Variants in TMC6 observed in about 807,000 individuals in gnomAD.
TMC6 encodes the protein transmembrane channel like 6.
A neutral mutation model predicts 95.4 loss-of-function variants in TMC6; 71 were observed. The observed-to-expected ratio is 0.74, with a 90% CI of 0.61 to 0.91. TMC6 has a LOEUF of 0.91. Ranked by LOEUF, TMC6 falls within the 40% of genes least tolerant of loss-of-function variation. TMC6 has a pLI of 0.00. For missense variants in TMC6, 1,074 were observed against 1,079.1 expected (o/e 1.00, Z 0.07); for synonymous variants, 514 against 483.1 (o/e 1.06, Z -0.84).
Position 78,122,481 on chromosome 17 carries a change from G to C in TMC6, c.1227+124C>G, listed in dbSNP as rs1048872551. On this transcript the variant is annotated intron_variant, in intron 10 of 19. Coordinates refer to ENST00000590602, the MANE Select transcript of TMC6 (RefSeq NM_001127198.5). This position sits in a 1 kb window ranked among gnomAD's most constrained non-coding sequence, Gnocchi z 4.9. ...AGACCACGCCTGCCCAGCGCCCCGA[G>C]TTCAGCTCACGGACAGCTGGCCCTC... The C allele has an allele frequency of 2.1e-6, 3 of 1,451,434 alleles. No homozygotes were observed. Among genetic ancestry groups the C allele is most frequent in the Non-Finnish European group, 2.8e-6 (3 of 1,080,018 alleles). 89.9% of individuals were successfully genotyped at this position (1,451,434 alleles called of 1,614,324 possible).
Position 78,117,622 on chromosome 17 carries a change from C to A in TMC6, c.2044G>T (p.Gly682Cys), listed in dbSNP as rs1234426664. ...ATGGTGTCCAGGGTCCGGAAGGGGC[C>A]GCAGGTGCTCGAGGGCTTCACCCTG... ...VWQVKPSSTCGPFRTLDTMYE... is the reference protein window; with the variant it reads ...VWQVKPSSTCCPFRTLDTMYE... Residue 682 changes from glycine to cysteine, a missense_variant, in exon 17 of 20, where the codon GGC becomes TGC. Coordinates refer to ENST00000590602, the MANE Select transcript of TMC6 (RefSeq NM_001127198.5). 4 of 1,574,704 alleles carry A rather than the reference C, an allele frequency of 2.5e-6. No homozygotes were observed. The highest frequency in any genetic ancestry group is 2.3e-5 in the South Asian group (2 of 86,730).
intron 18 of TMC6, among the ~76,000 whole-genome samples, chr17:78,116,487 G>C (rs2074123724): frequency 6.6e-6 from 1 of 151,972 alleles, no homozygotes; most frequent in African/African-American, 2.4e-5. Context: ...TGCCCAGGCT[G>C]GTCTCGAACT....
At chr17:78,119,247 G>A in intron 14 of TMC6, 50 bp downstream of exon 14, 3 of 1,605,354 alleles carry the variant, frequency 1.9e-6, no homozygotes, top group Non-Finnish European at 2.6e-6. Flanking sequence ...GGGGGGAAAG[G>A]GGCACTGACC....
In TMC6 at chr17:78,122,496, A is replaced by T; in HGVS notation, c.1227+109T>A. 14 of 1,510,468 alleles carry T rather than the reference A, an allele frequency of 9.3e-6. No individual in the cohort carries two copies. In the South Asian group the frequency reaches 1.7e-4, roughly 18 times the overall value. The allele number at this position is 1,510,468 out of a possible 1,614,324, so 93.6% of individuals were successfully genotyped here. On this transcript the variant is annotated intron_variant, in intron 10 of 19. Transcript: ENST00000590602. The surrounding 1 kb of genome is among the most constrained non-coding windows in gnomAD (Gnocchi z 4.9). The stretch of plus-strand genomic sequence containing the variant: ...AGCGCCCCGAGTTCAGCTCACGGAC[A>T]GCTGGCCCTCCCTCTAGACCATGGT...
rs761893025 is a variant in TMC6 at position 78,113,218 on chromosome 17, G to A, written c.2355-7C>T. On this transcript the variant is annotated splice_region_variant and splice_polypyrimidine_tract_variant and intron_variant, in intron 19 of 19. Coordinates refer to ENST00000590602, the MANE Select transcript of TMC6 (RefSeq NM_001127198.5). ...CTCCTCGGTTGTCCCAACCCTGCCAGAAAGAGACATCACTGAGGGGACCCC... is the reference window on the plus strand; with the variant it reads ...CTCCTCGGTTGTCCCAACCCTGCCAAAAAGAGACATCACTGAGGGGACCCC... 1.7e-5 allele frequency: 26 copies of A among 1,552,680 alleles called. No homozygotes were observed. In the Admixed American group the frequency reaches 2.4e-4, roughly 14 times the overall value.
chr17:78,131,235 G>C (rs1176372740), upstream of TMC6: 3 of 412,804 alleles, frequency 7.3e-6, no homozygotes, highest in South Asian at 6.6e-5. Flanking sequence ...TGCCTGTGCC[G>C]GTCCAGACTT....
rs374222927 is a variant in TMC6, at chr17:78,126,285, C to A, written c.263G>T (p.Arg88Leu). 2 of 1,559,182 alleles carry A rather than the reference C, an allele frequency of 1.3e-6. No individual in the cohort carries two copies. The highest frequency in any genetic ancestry group is 1.7e-6 in the Non-Finnish European group (2 of 1,155,264). Residue 88 changes from arginine (R) to leucine (L), a missense_variant, in exon 4 of 20, where the codon CGC becomes CTC. Transcript: ENST00000590602. ...TLRILASMPS[R>L]TIGRSRGAII... ...CTGAGGGTCCCACTCACCAATGGTGCGGCTGGGCATGCTGGCCAGGATGCG... is the reference window on the plus strand; with the variant it reads ...CTGAGGGTCCCACTCACCAATGGTGAGGCTGGGCATGCTGGCCAGGATGCG...
chr17:78,121,389 C>T lies in TMC6; in HGVS notation c.1383+167G>A, dbSNP rs991855832. ...TAAAACCGTGAGACAGGACAAGGGG[C>T]TGAGAAGTGGGGCTCGGAGGGGGCC... On this transcript the variant is annotated intron_variant, in intron 11 of 19. Transcript: ENST00000590602. The surrounding 1 kb of genome is among the most constrained non-coding windows in gnomAD (Gnocchi z 5.6). Among the ~76,000 whole-genome samples, 5 of 152,176 alleles carry T rather than the reference C, an allele frequency of 3.3e-5. No homozygotes were observed. The highest frequency in any genetic ancestry group is 5.9e-5 in the Non-Finnish European group (4 of 68,026).
chr17:78,110,671 C>T lies in TMC6; in HGVS notation c.*2477G>A, dbSNP rs889778915. 1 of 152,270 alleles carries T rather than the reference C, an allele frequency of 6.6e-6. No homozygotes were observed. The allele number at this position is 152,270 out of a possible 1,614,324, so 9.4% of individuals were successfully genotyped here. On this transcript the variant is annotated 3_prime_UTR_variant, in exon 20 of 20. Transcript: ENST00000590602. ...CCTGAAAATAGCATCAAGTTCCCAT[C>T]CACTCGAACAACAGTTTGTAGATCT...
At position 78,121,819 on chromosome 17, in the gene TMC6, G is replaced by T; in HGVS notation, c.1228-108C>A. On this transcript the variant is annotated intron_variant, in intron 10 of 19. Transcript: ENST00000590602. This position sits in a 1 kb window ranked among gnomAD's most constrained non-coding sequence, Gnocchi z 5.6. The stretch of plus-strand genomic sequence containing the variant: ...ACACATGAGACACACCAGGAGGCTT[G>T]AACCAGGACAGAGGGCCAGTTCCCC... 1.4e-6 allele frequency: 2 copies of T among 1,404,680 alleles called. No homozygotes were observed. The highest frequency in any genetic ancestry group is 1.4e-5 in the African/African-American group (1 of 69,448). The allele number at this position is 1,404,680 out of a possible 1,614,324, so 87.0% of individuals were successfully genotyped here.
chr17:78,131,328 G>C, upstream of TMC6: 2 of 579,362 alleles, frequency 3.5e-6, no homozygotes, highest in Non-Finnish European at 6.2e-6. Context: ...GAGTTGGAGC[G>C]GGGCTGGGCC....
rs1174150210 is a variant in TMC6, at chr17:78,120,732, C to T, written c.1636G>A (p.Gly546Ser). ...ACCAGGAACCGGTACAGCTCCTGGC[C>T]CACAAAATCCTCCCAGCACTGGCCC... ...LQGQCWEDFV[G>S]QELYRFLVMD... is the part of the protein sequence containing the mutation. Residue 546 changes from glycine to serine, a missense_variant, in exon 13 of 20, where the codon GGC becomes AGC. Coordinates refer to ENST00000590602, the MANE Select transcript of TMC6 (RefSeq NM_001127198.5). 6.2e-6 allele frequency: 10 copies of T among 1,613,934 alleles called. No individual in the cohort carries two copies. The highest frequency in any genetic ancestry group is 8.5e-6 in the Non-Finnish European group (10 of 1,180,004).
upstream of TMC6, chr17:78,130,599 C>G (rs1271779053): frequency 6.6e-6 from 1 of 152,316 alleles, no homozygotes; most frequent in Non-Finnish European, 1.5e-5. Flanking sequence ...GCACAGAGCT[C>G]CCTGGGAGGC....
rs768899829 is a variant in TMC6 at position 78,122,696 on chromosome 17, T to C, written c.1136A>G (p.His379Arg). 1.2e-5 allele frequency: 20 copies of C among 1,611,756 alleles called. No individual in the cohort carries two copies. The highest frequency in any genetic ancestry group is 1.4e-5 in the Non-Finnish European group (17 of 1,179,396). ...SYRVGSTSGI[H>R]AITVFCSWDY... ...CCAGGAGCAGAAGACGGTGATGGCG[T>C]GGATGCCAGAGGTGCTGCCCACCCG... Residue 379 changes from histidine (H) to arginine (R), a missense_variant, in exon 10 of 20, where the codon CAC becomes CGC. Transcript: ENST00000590602. This position sits in a 1 kb window ranked among gnomAD's most constrained non-coding sequence, Gnocchi z 4.9.
At chr17:78,124,408 G>C in intron 8 of TMC6, 116 bp downstream of exon 8, 5 of 1,513,958 alleles carry the variant, frequency 3.3e-6, no homozygotes, top group Non-Finnish European at 3.6e-6. Flanking sequence ...TGGCCACCTG[G>C]AGTCACAGCG....
At chr17:78,116,089 C>T (rs991555048) in intron 18 of TMC6, among the ~76,000 whole-genome samples, 1 of 151,740 alleles carries the variant, frequency 6.6e-6, no homozygotes, top group Admixed American at 6.6e-5. Flanking sequence ...GGCTGATTCT[C>T]CTGCCTCCGC....
In TMC6 at chr17:78,112,961, G is replaced by A. The variant is rs1488783853; in HGVS notation, c.*187C>T. On this transcript the variant is annotated 3_prime_UTR_variant, in exon 20 of 20. Transcript: ENST00000590602. Reference sequence around the variant, plus strand: ...TTAATCAGAATAAATAGAGTCCCAGGCAGGGCAGAGTTCATTGGGGATGCC... The same window carrying A: ...TTAATCAGAATAAATAGAGTCCCAGACAGGGCAGAGTTCATTGGGGATGCC... 1.5e-6 allele frequency: 1 copy of A among 647,982 alleles called. No individual in the cohort carries two copies. Among genetic ancestry groups the A allele is most frequent in the Non-Finnish European group, 2.7e-6 (1 of 367,460 alleles). 40.1% of individuals were successfully genotyped at this position (647,982 alleles called of 1,614,324 possible).
At position 78,122,487 on chromosome 17, in the gene TMC6, C is replaced by A; in HGVS notation, c.1227+118G>T. 2 of 1,480,104 alleles carry A rather than the reference C, an allele frequency of 1.4e-6. No individual in the cohort carries two copies. The highest frequency in any genetic ancestry group is 9.1e-7 in the Non-Finnish European group (1 of 1,101,866). The allele number at this position is 1,480,104 out of a possible 1,614,324, so 91.7% of individuals were successfully genotyped here. A position where few individuals can be genotyped will look rare whatever the true frequency, so the allele number is the denominator to read the frequency against. ...CGCCTGCCCAGCGCCCCGAGTTCAG[C>A]TCACGGACAGCTGGCCCTCCCTCTA... On this transcript the variant is annotated intron_variant, in intron 10 of 19. Transcript: ENST00000590602. The surrounding 1 kb of genome is among the most constrained non-coding windows in gnomAD (Gnocchi z 4.9).
At chr17:78,131,635 C>G, upstream of TMC6, 2 of 1,555,156 alleles carry the variant, frequency 1.3e-6, no homozygotes, top group Non-Finnish European at 1.7e-6. Flanking sequence ...CCTGGGGTGC[C>G]GGAGCCGGAG....
Sources: allele counts gnomAD v4.1 joint callset (sites outside exome capture counted in the v4.1 genomes callset), GRCh38; gene constraint gnomAD v4.1.1; non-coding constraint Gnocchi (gnomAD v3.1); transcripts MANE v1.5; gene names NCBI Gene and HGNC (gene_info 2026-07-23, HGNC 2026-07-21).